ADGRE5: variants seen among roughly 807,000 people sequenced by gnomAD.
The protein encoded by ADGRE5 is adhesion G protein-coupled receptor E5, also known as CD97 molecule.
ADGRE5 carries 72 observed loss-of-function variants against 100.3 expected under a neutral mutation model. The ratio of observed to expected loss-of-function variants is 0.72; its 90% CI spans 0.59 to 0.87. The LOEUF (loss-of-function observed/expected upper bound fraction) is 0.87. Among genes scored for constraint, ADGRE5 ranks in the 40% least tolerant of loss-of-function variants. ADGRE5 has a pLI of 0.00. For missense variants in ADGRE5, 959 were observed against 1,094.7 expected, an observed-to-expected ratio of 0.88 and a Z score of 1.75; for synonymous variants, 439 against 447.8, an observed-to-expected ratio of 0.98 and a Z score of 0.25.
rs534962403 is a variant in ADGRE5 at position 14,396,661 on chromosome 19, G to A, written c.478+188G>A. On this transcript the variant is annotated intron_variant, in intron 5 of 19. Transcript: ENST00000242786. ...TGCCACACGGCAGGGAGGCGGCAGG[G>A]CCTTCAGGGCTGGAGTGCCCTTGTG... is the stretch of plus-strand genomic sequence containing the variant. Among the ~76,000 whole-genome samples the A allele has an allele frequency of 1.3e-4, 20 of 152,380 alleles. 1 individual carries two copies. The East Asian group carries it at 3.3e-3, about 25-fold the overall frequency.
chr19:14,382,240 T>C (rs1975184385), intron 1 of ADGRE5, among the ~76,000 whole-genome samples: 1 of 152,212 alleles, frequency 6.6e-6, no homozygotes, highest in Non-Finnish European at 1.5e-5. Flanking sequence ...CAGAACTTCC[T>C]GGACCACAGG....
Position 14,401,584 on chromosome 19 carries a change from G to A in ADGRE5, c.1075+21G>A. On this transcript the variant is annotated intron_variant, in intron 10 of 19. Coordinates refer to ENST00000242786, the MANE Select transcript of ADGRE5 (RefSeq NM_078481.4). This position sits in a 1 kb window ranked among gnomAD's most constrained non-coding sequence, Gnocchi z 4.1. ...CACAGGTGAGGCCTTGGCCTGGCCT[G>A]CCCTGCCCCAACCCTGGGCCCCACC... 6.2e-7 allele frequency: 1 copy of A among 1,612,174 alleles called. No homozygotes were observed. Among genetic ancestry groups the A allele is most frequent in the Non-Finnish European group, 8.5e-7 (1 of 1,178,798 alleles).
At position 14,407,956 on chromosome 19, in the gene ADGRE5, A is replaced by G; in HGVS notation, c.2425A>G (p.Lys809Glu). Residue 809 changes from lysine to glutamate, a missense_variant, in exon 19 of 20, where the codon AAG becomes GAG. Physicochemically the swap from Lys to Glu is moderately conservative, Grantham distance 56. Coordinates refer to ENST00000242786, the MANE Select transcript of ADGRE5 (RefSeq NM_078481.4). ...KWACLVAGGSKYSEFTSTTSG... is the reference protein window; with the variant it reads ...KWACLVAGGSEYSEFTSTTSG... Reference sequence around the variant, plus strand: ...GGCCTGCCTAGTTGCTGGGGGGAGCAAGTACTCAGAATTCACCTCCACCAC... The same window carrying G: ...GGCCTGCCTAGTTGCTGGGGGGAGCGAGTACTCAGAATTCACCTCCACCAC... The G allele has an allele frequency of 2.5e-6, 4 of 1,614,098 alleles. No homozygotes were observed. Among genetic ancestry groups the G allele is most frequent in the Non-Finnish European group, 3.4e-6 (4 of 1,180,024 alleles).
At chr19:14,390,810 T>C (rs1037940972) in intron 3 of ADGRE5, 114 bp from the exon 4 acceptor site, 17 of 1,348,330 alleles carry the variant, frequency 1.3e-5, no homozygotes, top group Non-Finnish European at 1.7e-5. Context: ...AACTTAAGAT[T>C]TTTTCCAAAA....
At position 14,401,369 on chromosome 19, in the gene ADGRE5, C is replaced by T. The variant is rs779999944; in HGVS notation, c.898-17C>T. 2 of 1,611,286 alleles carry T rather than the reference C, an allele frequency of 1.2e-6. No individual in the cohort carries two copies. Among genetic ancestry groups the T allele is most frequent in the Non-Finnish European group, 1.7e-6 (2 of 1,178,420 alleles). ...TGGTCTGATGCTCCAGCGATTCTGTCACCCGCCACCCCCTAGAATGTCATC... is the reference window on the plus strand; with the variant it reads ...TGGTCTGATGCTCCAGCGATTCTGTTACCCGCCACCCCCTAGAATGTCATC... On this transcript the variant is annotated splice_polypyrimidine_tract_variant and intron_variant, in intron 9 of 19. Coordinates refer to ENST00000242786, the MANE Select transcript of ADGRE5 (RefSeq NM_078481.4). This position sits in a 1 kb window ranked among gnomAD's most constrained non-coding sequence, Gnocchi z 4.1.
At position 14,406,571 on chromosome 19, in the gene ADGRE5, G is replaced by A. The variant is rs1976250044; in HGVS notation, c.2048+14G>A. The A allele has an allele frequency of 6.2e-7, 1 of 1,604,500 alleles. No individual in the cohort carries two copies. The highest frequency in any genetic ancestry group is 8.5e-7 in the Non-Finnish European group (1 of 1,175,460). On this transcript the variant is annotated intron_variant, in intron 15 of 19. Transcript: ENST00000242786. The surrounding 1 kb of genome is among the most constrained non-coding windows in gnomAD (Gnocchi z 6.0). ...CCGCCCCAGATAGTGAGTGCAGCGA[G>A]ATGGGGCAGGAGGAAGGCGGGGTGC...
At chr19:14,396,030 G>A (rs1975763552) in intron 4 of ADGRE5, among the ~76,000 whole-genome samples, 1 of 152,214 alleles carries the variant, frequency 6.6e-6, no homozygotes, top group South Asian at 2.1e-4. Flanking sequence ...CCCTGCATTT[G>A]GTTCTCAGGA....
At chr19:14,395,316 A>C (rs1041757454) in intron 4 of ADGRE5, among the ~76,000 whole-genome samples, 3 of 151,790 alleles carry the variant, frequency 2.0e-5, no homozygotes, top group African/African-American at 7.3e-5. Flanking sequence ...AAAAAAAAAA[A>C]AAACAAAAAC....
intron 12 of ADGRE5, among the ~76,000 whole-genome samples, chr19:14,403,544 G>A (rs1170961396): frequency 2.0e-5 from 3 of 151,956 alleles, no homozygotes; most frequent in Non-Finnish European, 2.9e-5. Context: ...ATAGAGACGG[G>A]GACCTCACTA....
Position 14,406,091 on chromosome 19 carries a change from GT to G in ADGRE5, c.1821+153del, listed in dbSNP as rs1976219999. ...GGGATCTGGCCCCGCCCACCGGGGG[GT>G]CGGGTTGTCTCTTTAAAGGGCGCTG... On this transcript the variant is annotated intron_variant, in intron 14 of 19. Coordinates refer to ENST00000242786, the MANE Select transcript of ADGRE5 (RefSeq NM_078481.4). The surrounding 1 kb of genome is among the most constrained non-coding windows in gnomAD (Gnocchi z 6.0). The G allele has an allele frequency of 9.4e-6, 7 of 747,512 alleles. No homozygotes were observed. Among genetic ancestry groups the G allele is most frequent in the African/African-American group, 8.9e-5 (5 of 56,384 alleles). 46.3% of individuals were successfully genotyped at this position (747,512 alleles called of 1,614,324 possible). A position where few individuals can be genotyped will look rare whatever the true frequency, so the allele number is the denominator to read the frequency against.
At chr19:14,407,372 A>G (rs1976305653) in intron 18 of ADGRE5, 143 bp downstream of exon 18, 2 of 965,710 alleles carry the variant, frequency 2.1e-6, no homozygotes, top group African/African-American at 3.3e-5. Context: ...AAATTCAAAG[A>G]TAGCCAGGGT....
In ADGRE5 at chr19:14,406,382, G is replaced by A; in HGVS notation, c.1873G>A (p.Ala625Thr). 6.3e-7 allele frequency: 1 copy of A among 1,589,178 alleles called. No individual in the cohort carries two copies. Among genetic ancestry groups the A allele is most frequent in the Middle Eastern group, 1.8e-4 (1 of 5,698 alleles). ...VAGLLHYCFL[A>T]AFCWMSLEGL... ...CGGGCTGCTGCACTACTGTTTCCTG[G>A]CCGCCTTCTGCTGGATGAGCCTCGA... The change falls in exon 15 of 20, where the codon GCC becomes ACC. Residue 625 changes from alanine (A) to threonine (T), a missense_variant. By Grantham distance (58) the Ala-to-Thr change is moderately conservative. Coordinates refer to ENST00000242786, the MANE Select transcript of ADGRE5 (RefSeq NM_078481.4). This position sits in a 1 kb window ranked among gnomAD's most constrained non-coding sequence, Gnocchi z 6.0.
intron 18 of ADGRE5, 24 bp from the exon 19 acceptor site, chr19:14,407,884 C>G (rs908401408): frequency 1.9e-6 from 3 of 1,608,626 alleles, no homozygotes; most frequent in Admixed American, 3.3e-5. Context: ...TGCTCCTGCC[C>G]TGACTTGGTG....
chr19:14,394,620 T>C (rs1172268823), intron 4 of ADGRE5, among the ~76,000 whole-genome samples: 4 of 152,120 alleles, frequency 2.6e-5, no homozygotes, highest in African/African-American at 9.7e-5. Flanking sequence ...ACATGGCGTG[T>C]GGTGGCGCAT....
chr19:14,403,933 G>A (rs1254583487), intron 12 of ADGRE5, among the ~76,000 whole-genome samples: 1 of 130,158 alleles, frequency 7.7e-6, no homozygotes, highest in Non-Finnish European at 1.6e-5. Context: ...CTGGAGTGCA[G>A]TGGCTCATTC....
At chr19:14,395,030 G>T (rs1975724717) in intron 4 of ADGRE5, among the ~76,000 whole-genome samples, 1 of 152,186 alleles carries the variant, frequency 6.6e-6, no homozygotes, top group African/African-American at 2.4e-5. Context: ...GCTGGGTGCC[G>T]TGACTCATGC....
rs149466269 is a variant in ADGRE5 at position 14,398,079 on chromosome 19, C to T, written c.837C>T (p.Phe279=). ...CTCTGCAGACGCTTTCCCGATTCTT[C>T]GACAAAGTCCAGGACCTGGGCAGAG... The part of the protein sequence containing the change: ...GVHSQTLSRF[F]DKVQDLGRDS... Residue 279 remains phenylalanine, a synonymous_variant, in exon 9 of 20, where the codon TTC becomes TTT. Transcript: ENST00000242786. 196 of 1,613,804 alleles carry T rather than the reference C, an allele frequency of 1.2e-4. No individual in the cohort carries two copies. Among genetic ancestry groups the T allele is most frequent in the East Asian group, 7.1e-4 (32 of 44,882 alleles).
intron 4 of ADGRE5, among the ~76,000 whole-genome samples, chr19:14,394,896 G>A (rs1975719388): frequency 1.3e-5 from 2 of 152,118 alleles, no homozygotes; most frequent in African/African-American, 4.8e-5. Flanking sequence ...CCCCATCCAA[G>A]GCTCCACCCT....
intron 1 of ADGRE5, among the ~76,000 whole-genome samples, chr19:14,387,524 C>T (rs924989075): frequency 1.2e-4 from 18 of 150,970 alleles, no homozygotes; most frequent in African/African-American, 4.1e-4. Context: ...GTCAGGAGAT[C>T]GAGACCATAC....
Sources: allele counts gnomAD v4.1 joint callset (sites outside exome capture counted in the v4.1 genomes callset), GRCh38; gene constraint gnomAD v4.1.1; non-coding constraint Gnocchi (gnomAD v3.1); transcripts MANE v1.5; gene names NCBI Gene and HGNC (gene_info 2026-07-23, HGNC 2026-07-21).